The following CALD1 variants were observed in gnomAD, a reference collection of about 807,000 sequenced individuals.
CALD1 encodes caldesmon.
Under a neutral mutation model 99.9 loss-of-function variants are expected in CALD1, and 33 were observed. The ratio of observed to expected loss-of-function variants is 0.33; its 90% confidence interval spans 0.25 to 0.44. The LOEUF is 0.44. Among genes scored for constraint, CALD1 ranks in the 20% least tolerant of loss-of-function variants. CALD1 has a pLI of 1.00. For synonymous variants in CALD1, 310 were observed against 325.0 expected (o/e 0.95, Z 0.50); for missense variants, 861 against 962.1 (o/e 0.89, Z 1.39).
At chr7:134,967,643 G>C (rs1808775862) in intron 14 of CALD1, among the ~76,000 whole-genome samples, 1 of 152,106 alleles carries the variant, frequency 6.6e-6, no homozygotes, top group Admixed American at 6.6e-5. Flanking sequence ...GGCCCTCACT[G>C]AGCTATTCAG....
At position 134,947,742 on chromosome 7, in the gene CALD1, G is replaced by A; in HGVS notation, c.1767G>A (p.Glu589=). 1.9e-6 allele frequency: 3 copies of A among 1,614,018 alleles called. No homozygotes were observed. Among genetic ancestry groups the A allele is most frequent in the Non-Finnish European group, 2.5e-6 (3 of 1,179,962 alleles). ...LEEEEQRRKQ[E]EADRKLREEE... is the part of the protein sequence containing the mutation. ...AGGAAGAGCAGAGGAGGAAGCAGGA[G>A]GAAGCCGATCGAAAACTCAGAGAGG... The change falls in exon 8 of 15, where the codon GAG becomes GAA. Residue 589 remains glutamate, a synonymous_variant. Coordinates refer to ENST00000361675, the MANE Select transcript of CALD1 (RefSeq NM_033138.4).
intron 9 of CALD1, 31 bp from the exon 10 acceptor site, chr7:134,958,038 A>C: frequency 1.3e-6 from 2 of 1,510,784 alleles, no homozygotes; most frequent in Non-Finnish European, 1.8e-6. Flanking sequence ...TTGAAATATT[A>C]ATTGGGTTTA....
intron 1 of CALD1, among the ~76,000 whole-genome samples, chr7:134,745,184 A>T (rs1461392216): frequency 1.3e-5 from 2 of 152,250 alleles, no homozygotes; most frequent in African/African-American, 2.4e-5. Flanking sequence ...ACCAGAGAAG[A>T]TAAAATTAAA....
At chr7:134,911,916 G>C (rs1354799202) in intron 3 of CALD1, among the ~76,000 whole-genome samples, 1 of 152,046 alleles carries the variant, frequency 6.6e-6, no homozygotes, top group Non-Finnish European at 1.5e-5. Flanking sequence ...TAAATAACTG[G>C]AACAACCACA....
intron 1 of CALD1, among the ~76,000 whole-genome samples, chr7:134,748,995 C>T (rs2131552130): frequency 6.6e-6 from 1 of 152,300 alleles, no homozygotes; most frequent in Admixed American, 6.5e-5. Flanking sequence ...AGGCAGAAAG[C>T]AGATCCTCAC....
At chr7:134,818,217 T>A (rs1233311544) in intron 1 of CALD1, among the ~76,000 whole-genome samples, 1 of 152,146 alleles carries the variant, frequency 6.6e-6, no homozygotes, top group Non-Finnish European at 1.5e-5. Flanking sequence ...AGTAATAAAT[T>A]TAGTTTTGAG....
intron 1 of CALD1, chr7:134,809,486 G>A (rs980188502): frequency 6.6e-6 from 1 of 152,174 alleles, no homozygotes; most frequent in African/African-American, 2.4e-5. Context: ...AAATAATTTA[G>A]CCACTGCCTG....
At chr7:134,917,750 G>A (rs368686023) in intron 3 of CALD1, among the ~76,000 whole-genome samples, 4 of 152,130 alleles carry the variant, frequency 2.6e-5, no homozygotes, top group African/African-American at 9.7e-5. Flanking sequence ...GGTAGTAACT[G>A]GGCTTATCTT....
intron 3 of CALD1, among the ~76,000 whole-genome samples, chr7:134,921,113 T>G (rs1395361802): frequency 6.6e-6 from 1 of 152,236 alleles, no homozygotes; most frequent in African/African-American, 2.4e-5. Flanking sequence ...GCAATTGTTC[T>G]CTAGCGGTGA....
At chr7:134,900,985 T>C (rs1292162206) in intron 3 of CALD1, among the ~76,000 whole-genome samples, 1 of 152,150 alleles carries the variant, frequency 6.6e-6, no homozygotes, top group Non-Finnish European at 1.5e-5. Context: ...TTATTTCAGA[T>C]GGAGTTATCT....
intron 3 of CALD1, among the ~76,000 whole-genome samples, chr7:134,905,575 G>A (rs757263774): frequency 6.6e-5 from 10 of 152,012 alleles, no homozygotes; most frequent in African/African-American, 1.2e-4. Context: ...AGTTCTAACC[G>A]CTAGTCTTTG....
intron 3 of CALD1, among the ~76,000 whole-genome samples, chr7:134,895,687 T>G (rs1359913730): frequency 6.6e-6 from 1 of 152,184 alleles, no homozygotes; most frequent in African/African-American, 2.4e-5. Flanking sequence ...AGAGGCCTTC[T>G]CTCCTACAAA....
At chr7:134,816,284 A>G (rs1798561235) in intron 1 of CALD1, among the ~76,000 whole-genome samples, 2 of 152,186 alleles carry the variant, frequency 1.3e-5, no homozygotes, top group African/African-American at 4.8e-5. Flanking sequence ...TGTCCCTAGC[A>G]CTGCATCAAG....
chr7:134,771,110 C>G (rs1796874455), intron 1 of CALD1, among the ~76,000 whole-genome samples: 2 of 152,210 alleles, frequency 1.3e-5, no homozygotes, highest in African/African-American at 4.8e-5. Context: ...GCCTCCTTTT[C>G]TGGGCTGTAA....
At chr7:134,761,569 T>A (rs1233151041) in intron 1 of CALD1, among the ~76,000 whole-genome samples, 1 of 152,216 alleles carries the variant, frequency 6.6e-6, no homozygotes, top group African/African-American at 2.4e-5. Flanking sequence ...ATCTCTTTGA[T>A]CTTCATATCA....
chr7:134,806,825 C>A (rs977338289), intron 1 of CALD1, among the ~76,000 whole-genome samples: 2 of 152,106 alleles, frequency 1.3e-5, no homozygotes, highest in African/African-American at 4.8e-5. Flanking sequence ...ATTAGTGTAA[C>A]ATGGTGGTCA....
At chr7:134,940,552 C>T (rs930795685) in intron 6 of CALD1, among the ~76,000 whole-genome samples, 2 of 152,160 alleles carry the variant, frequency 1.3e-5, no homozygotes, top group Non-Finnish European at 2.9e-5. Flanking sequence ...AGTAAATGTC[C>T]CATCCTTGGG....
At position 134,773,822 on chromosome 7, in the gene CALD1, GTGTGTT is replaced by G. The variant is rs1449390428; in HGVS notation, c.-130+29461_-130+29466del. Among the ~76,000 whole-genome samples, 370 of 148,408 alleles carry G rather than the reference GTGTGTT, an allele frequency of 2.5e-3. 2 individuals are homozygous for G. The highest frequency in any genetic ancestry group is 9.1e-3 in the African/African-American group (351 of 38,658). On this transcript the variant is annotated intron_variant, in intron 1 of 13. Coordinates refer to the CALD1 transcript ENST00000417172. The stretch of plus-strand genomic sequence containing the variant: ...TGTGTGTGTGTGTGTGTGTGTGTGT[GTGTGTT>G]TCTGTTGTTTGTTATAATCTCTCTT...
chr7:134,945,973 AC>A (rs1307267424), intron 7 of CALD1, among the ~76,000 whole-genome samples: 3 of 152,180 alleles, frequency 2.0e-5, no homozygotes, highest in Non-Finnish European at 4.4e-5. Flanking sequence ...ACCCTTAGTT[AC>A]AGCCACTTTT....
Sources: allele counts gnomAD v4.1 joint callset (sites outside exome capture counted in the v4.1 genomes callset), GRCh38; gene constraint gnomAD v4.1.1; transcripts MANE v1.5; gene names NCBI Gene and HGNC (gene_info 2026-07-23, HGNC 2026-07-21).